Variants in KIAA0232 observed in about 807,000 individuals in gnomAD.
KIAA0232 encodes the protein uncharacterized protein KIAA0232.
In KIAA0232, 27 loss-of-function variants were observed where a neutral mutation model predicts 122.0. The ratio of observed to expected loss-of-function variants is 0.22; its 90% CI spans 0.16 to 0.31. KIAA0232 has a LOEUF of 0.31. Ranked by LOEUF, KIAA0232 falls within the 10% of genes least tolerant of loss-of-function variation. The pLI is 1.00. For missense variants in KIAA0232, 1,551 were observed against 1,634.2 expected, an observed-to-expected ratio of 0.95 and a Z score of 0.88; for synonymous variants, 613 against 587.6, an observed-to-expected ratio of 1.04 and a Z score of -0.63.
intron 3 of KIAA0232, among the ~76,000 whole-genome samples, chr4:6,834,605 C>T (rs1719168904): frequency 1.3e-5 from 2 of 152,180 alleles, no homozygotes; most frequent in South Asian, 4.1e-4. Flanking sequence ...ATTCAGCAAA[C>T]ATGGTCACTA....
At chr4:6,837,729 C>G (rs908290697) in intron 3 of KIAA0232, among the ~76,000 whole-genome samples, 3 of 152,208 alleles carry the variant, frequency 2.0e-5, no homozygotes, top group Non-Finnish European at 2.9e-5. Flanking sequence ...ACAGCCAACA[C>G]GGCGAAACCC....
chr4:6,798,538 C>G (rs966747756), intron 1 of KIAA0232, among the ~76,000 whole-genome samples: 4 of 152,122 alleles, frequency 2.6e-5, no homozygotes, highest in African/African-American at 7.2e-5. Flanking sequence ...GACACCAACC[C>G]TTTTCTTTCT....
intron 1 of KIAA0232, among the ~76,000 whole-genome samples, chr4:6,795,516 T>C (rs1717093920): frequency 6.6e-6 from 1 of 152,196 alleles, no homozygotes; most frequent in Admixed American, 6.6e-5. Flanking sequence ...TGGAGTGATA[T>C]TATTTTGGAT....
intron 2 of KIAA0232, among the ~76,000 whole-genome samples, chr4:6,820,872 G>A (rs764183561): frequency 4.6e-5 from 7 of 152,334 alleles, no homozygotes; most frequent in Non-Finnish European, 2.9e-5. Flanking sequence ...AGGCTGGGAA[G>A]TCCAAAAGCA....
intron 7 of KIAA0232, 55 bp from the exon 8 acceptor site, chr4:6,871,519 T>C: frequency 2.0e-6 from 2 of 993,830 alleles, no homozygotes; most frequent in South Asian, 1.4e-5. Flanking sequence ...TTGAATATTC[T>C]TCCTCTAACC....
Position 6,863,641 on chromosome 4 carries a change from C to G in KIAA0232, c.3259C>G (p.Pro1087Ala), listed in dbSNP as rs750325318. The change falls in exon 7 of 10, where the codon CCC becomes GCC. Residue 1087 changes from proline (P) to alanine (A), a missense_variant. This residue lies in a region of KIAA0232 where 1,108 missense variants were observed against 1,154.8 expected (regional missense o/e 0.96). Transcript: ENST00000307659. Reference sequence around the variant, plus strand: ...TGATTCAGACAGTGAAGTGTTTCACCCCAGGATATGTGGTGTTGACAGAAC... The same window carrying G: ...TGATTCAGACAGTGAAGTGTTTCACGCCAGGATATGTGGTGTTGACAGAAC... ...CSDSDSEVFH[P>A]RICGVDRTQY... 6.2e-7 allele frequency: 1 copy of G among 1,614,096 alleles called. No individual in the cohort carries two copies. The highest frequency in any genetic ancestry group is 1.1e-5 in the South Asian group (1 of 91,074).
intron 1 of KIAA0232, among the ~76,000 whole-genome samples, chr4:6,787,605 C>T (rs1197849537): frequency 6.6e-6 from 1 of 152,188 alleles, no homozygotes; most frequent in East Asian, 1.9e-4. Flanking sequence ...CCAGGTTTGC[C>T]TCCATGAGTC....
At chr4:6,875,888 A>G (rs1215613452) in intron 8 of KIAA0232, among the ~76,000 whole-genome samples, 1 of 152,190 alleles carries the variant, frequency 6.6e-6, no homozygotes, top group Admixed American at 6.5e-5. Flanking sequence ...TTCTCAGTGC[A>G]TTAGAATTGC....
At chr4:6,827,081 T>C (rs779883839) in intron 3 of KIAA0232, among the ~76,000 whole-genome samples, 2 of 152,200 alleles carry the variant, frequency 1.3e-5, no homozygotes, top group Non-Finnish European at 2.9e-5. Context: ...GGAGAATCCG[T>C]AGGGAAATAA....
At chr4:6,843,414 T>G (rs556273249) in intron 4 of KIAA0232, among the ~76,000 whole-genome samples, 1 of 152,358 alleles carries the variant, frequency 6.6e-6, no homozygotes, top group East Asian at 1.9e-4. Context: ...CTGCCACTGA[T>G]GCAAACGGTT....
At chr4:6,837,785 G>A (rs936069077) in intron 3 of KIAA0232, among the ~76,000 whole-genome samples, 4 of 152,174 alleles carry the variant, frequency 2.6e-5, no homozygotes, top group South Asian at 2.1e-4. Context: ...TGGGCGGCGC[G>A]TGCCAGCAAT....
chr4:6,842,234 A>C (rs1330110553), intron 4 of KIAA0232, 30 bp downstream of exon 4: 1 of 1,557,044 alleles, frequency 6.4e-7, no homozygotes. Flanking sequence ...CTAACACTTA[A>C]GAGAATAAAA....
chr4:6,820,622 T>C (rs377602317), intron 2 of KIAA0232, among the ~76,000 whole-genome samples: 1 of 152,046 alleles, frequency 6.6e-6, no homozygotes, highest in Non-Finnish European at 1.5e-5. Context: ...TGTTGGCTTA[T>C]GTTTTACTTA....
At chr4:6,822,029 T>C (rs1203584082) in intron 2 of KIAA0232, among the ~76,000 whole-genome samples, 1 of 152,156 alleles carries the variant, frequency 6.6e-6, no homozygotes, top group Non-Finnish European at 1.5e-5. Flanking sequence ...TTTTTCTGTT[T>C]ATGACAAGTT....
At chr4:6,872,321 G>A (rs1721537697) in intron 8 of KIAA0232, among the ~76,000 whole-genome samples, 3 of 152,196 alleles carry the variant, frequency 2.0e-5, no homozygotes, top group Non-Finnish European at 2.9e-5. Flanking sequence ...CAATCAAAGC[G>A]GGGACAGAGA....
intron 3 of KIAA0232, among the ~76,000 whole-genome samples, chr4:6,829,165 A>G (rs1434543497): frequency 6.6e-6 from 1 of 151,986 alleles, no homozygotes. Context: ...ATTTCCTCGT[A>G]TCTTTAGAGT....
intron 1 of KIAA0232, among the ~76,000 whole-genome samples, chr4:6,790,915 CTTTTTTTTTTT>C (rs35766310): frequency 4.3e-5 from 4 of 92,946 alleles, no homozygotes; most frequent in Admixed American, 3.9e-4. Context: ...TTTTTATATA[CTTTTTTTTTTT>C]TTTTTTTTTT....
chr4:6,828,727 CGTT>C (rs1718820058), intron 3 of KIAA0232, among the ~76,000 whole-genome samples: 1 of 152,126 alleles, frequency 6.6e-6, no homozygotes, highest in South Asian at 2.1e-4. Context: ...CGAAGTGACT[CGTT>C]GTTTACGTGT....
chr4:6,853,993 G>A (rs1358112493), intron 4 of KIAA0232, among the ~76,000 whole-genome samples: 3 of 152,174 alleles, frequency 2.0e-5, no homozygotes, highest in Non-Finnish European at 2.9e-5. Context: ...CCTAGCGTTG[G>A]TCAGAGAGAG....
Sources: gnomAD v4.1 joint callset for allele counts (sites outside exome capture counted in the v4.1 genomes callset) on GRCh38, gnomAD v4.1.1 for gene constraint, gnomAD v4.1.1 regional missense constraint, MANE v1.5 for transcripts, NCBI Gene and HGNC (gene_info 2026-07-23, HGNC 2026-07-21) for gene names.